NEGR1: variants seen among roughly 807,000 people sequenced by gnomAD.
The protein encoded by NEGR1 is IgLON family member 4.
NEGR1 carries 10 observed loss-of-function variants against 40.9 expected under a neutral mutation model. That is an observed-to-expected ratio of 0.24 (90% CI 0.15 to 0.42). The LOEUF (loss-of-function observed/expected upper bound fraction) is 0.42, where lower values mean the gene tolerates loss of function less well. Ranked by LOEUF, NEGR1 falls within the 10% of genes least tolerant of loss-of-function variation. The pLI, the probability that NEGR1 is intolerant of heterozygous loss-of-function variation, is 1.00. For synonymous variants in NEGR1, 185 were observed against 166.8 expected, an observed-to-expected ratio of 1.11 and a Z score of -0.84; for missense variants, 352 against 438.9, an observed-to-expected ratio of 0.80 and a Z score of 1.77.
At chr1:71,805,520 G>A (rs555376350) in intron 2 of NEGR1, among the ~76,000 whole-genome samples, 13 of 152,168 alleles carry the variant, frequency 8.5e-5, no homozygotes, top group South Asian at 4.2e-4. Flanking sequence ...GTGAAACATC[G>A]GGGCTGAATT....
At chr1:71,489,234 T>C (rs1020820622) in intron 6 of NEGR1, among the ~76,000 whole-genome samples, 1 of 151,798 alleles carries the variant, frequency 6.6e-6, no homozygotes, top group African/African-American at 2.4e-5. Context: ...AGCTCTTTCA[T>C]GAGGTTTTAA....
At chr1:71,653,763 AT>A (rs11334161) in intron 4 of NEGR1, among the ~76,000 whole-genome samples, 148,881 of 151,700 alleles carry the variant, frequency 0.98, 73,111 homozygotes, top group Middle Eastern at 1. Context: ...TTTACGTGTG[AT>A]TTTTTTTTTA....
chr1:72,017,310 A>G (rs899984839), intron 1 of NEGR1, among the ~76,000 whole-genome samples: 1 of 152,120 alleles, frequency 6.6e-6, no homozygotes, highest in Non-Finnish European at 1.5e-5. Flanking sequence ...GCTAGATTCA[A>G]TATCATATGC....
At chr1:71,442,532 T>C (rs955730146) in intron 6 of NEGR1, among the ~76,000 whole-genome samples, 2 of 152,178 alleles carry the variant, frequency 1.3e-5, no homozygotes, top group Admixed American at 6.5e-5. Flanking sequence ...GAGAATCACC[T>C]GAACCTGGAT....
chr1:71,661,130 T>C lies in NEGR1; in HGVS notation c.667+36878A>G, dbSNP rs143703368. 1.2e-3 allele frequency among the ~76,000 whole-genome samples: 188 copies of C among 152,326 alleles called. 2 individuals carry two copies. In the East Asian group the frequency reaches 0.029, roughly 24 times the overall value. On this transcript the variant is annotated intron_variant, in intron 4 of 6. Transcript: ENST00000357731. ...GAGCATTACGGTCGGTTCCAAGTCT[T>C]TGCTATTGTGAACAGTGCTGCAATA...
At chr1:71,599,732 G>C (rs1051719496) in intron 5 of NEGR1, among the ~76,000 whole-genome samples, 2 of 152,148 alleles carry the variant, frequency 1.3e-5, no homozygotes, top group African/African-American at 4.8e-5. Flanking sequence ...TAAAATGCAT[G>C]TCTTATTTAC....
At chr1:72,275,880 T>C (rs1409846955) in intron 1 of NEGR1, among the ~76,000 whole-genome samples, 2 of 152,042 alleles carry the variant, frequency 1.3e-5, no homozygotes, top group Non-Finnish European at 2.9e-5. Flanking sequence ...AAGGATGGCT[T>C]GAGGCCAGGA....
At chr1:71,763,896 G>T (rs1173262087) in intron 3 of NEGR1, among the ~76,000 whole-genome samples, 1 of 151,900 alleles carries the variant, frequency 6.6e-6, no homozygotes, top group Non-Finnish European at 1.5e-5. Flanking sequence ...TAGAAGCCAT[G>T]TAGGAATCAA....
chr1:71,565,087 T>C (rs1457863030), intron 6 of NEGR1, among the ~76,000 whole-genome samples: 1 of 152,070 alleles, frequency 6.6e-6, no homozygotes, highest in Middle Eastern at 3.2e-3. Context: ...CAAAGGCCCA[T>C]TTATTGAGAG....
chr1:72,247,596 A>T (rs1345542095), intron 1 of NEGR1, among the ~76,000 whole-genome samples: 3 of 152,152 alleles, frequency 2.0e-5, no homozygotes, highest in Non-Finnish European at 2.9e-5. Context: ...CATTTCTGAG[A>T]CCTCACCATC....
rs1001891217 is a variant in NEGR1 at position 71,821,708 on chromosome 1, T to C, written c.410-45411A>G. On this transcript the variant is annotated intron_variant, in intron 2 of 6. Coordinates refer to ENST00000357731, the MANE Select transcript of NEGR1 (RefSeq NM_173808.3). ...TAGTGAAAAAATCACAACACAGGCC[T>C]CTACGGACCTGTAGACATCATGACA... 3.9e-5 allele frequency among the ~76,000 whole-genome samples: 6 copies of C among 151,944 alleles called. No individual in the cohort carries two copies. The East Asian group carries it at 1.2e-3, about 30-fold the overall frequency.
intron 6 of NEGR1, among the ~76,000 whole-genome samples, chr1:71,466,564 A>G (rs1646747182): frequency 6.6e-6 from 1 of 152,070 alleles, no homozygotes; most frequent in Non-Finnish European, 1.5e-5. Flanking sequence ...AGTGCAGCCT[A>G]TATACATGCC....
intron 3 of NEGR1, among the ~76,000 whole-genome samples, chr1:71,760,857 A>G (rs1462014501): frequency 6.6e-6 from 1 of 152,166 alleles, no homozygotes; most frequent in Non-Finnish European, 1.5e-5. Flanking sequence ...CATTTCTAAG[A>G]AGTCTTCCTT....
At position 72,065,298 on chromosome 1, in the gene NEGR1, A is replaced by C. The variant is rs141134834; in HGVS notation, c.177-129987T>G. Among the ~76,000 whole-genome samples the C allele has an allele frequency of 4.5e-3, 682 of 152,146 alleles. 1 individual carries two copies. The highest frequency in any genetic ancestry group is 0.016 in the African/African-American group (647 of 41,522). On this transcript the variant is annotated intron_variant, in intron 1 of 6. Transcript: ENST00000357731. ...TTTTGAATCTCCCAATTTCTTCTTA[A>C]AATTTATGTATTCTTAGAAATCCTT...
At chr1:71,681,204 T>C (rs1000817807) in intron 4 of NEGR1, among the ~76,000 whole-genome samples, 1 of 152,228 alleles carries the variant, frequency 6.6e-6, no homozygotes, top group African/African-American at 2.4e-5. Flanking sequence ...TCCAATAACA[T>C]AATCAACTTT....
chr1:72,097,886 G>T (rs1203792744), intron 1 of NEGR1, among the ~76,000 whole-genome samples: 3 of 152,114 alleles, frequency 2.0e-5, no homozygotes, highest in Admixed American at 2.0e-4. Flanking sequence ...AATGATCAAA[G>T]AAATCAAGAA....
intron 6 of NEGR1, among the ~76,000 whole-genome samples, chr1:71,417,640 C>A (rs76380579): frequency 0.014 from 2,131 of 152,208 alleles, 64 homozygotes; most frequent in African/African-American, 0.049. Flanking sequence ...TCTTAACAAT[C>A]AAGCATACGA....
chr1:72,047,615 T>G (rs1647014271), intron 1 of NEGR1, among the ~76,000 whole-genome samples: 1 of 150,890 alleles, frequency 6.6e-6, no homozygotes, highest in African/African-American at 2.4e-5. Context: ...GATTTCAGAG[T>G]TTTTTTTGAA....
In NEGR1 at chr1:71,947,089, T is replaced by TACACACAC. The variant is rs3078155; in HGVS notation, c.177-11786_177-11779dup. ...GGCAACAGAGCCAGATCCTGTCTCA[T>TACACACAC]ACACACACACACACACACACACACA... On this transcript the variant is annotated intron_variant, in intron 1 of 6. Coordinates refer to ENST00000357731, the MANE Select transcript of NEGR1 (RefSeq NM_173808.3). Among the ~76,000 whole-genome samples the TACACACAC allele has an allele frequency of 6.5e-4, 84 of 129,148 alleles. 1 individual carries two copies. Among genetic ancestry groups the TACACACAC allele is most frequent in the South Asian group, 1.5e-3 (6 of 4,028 alleles). 84.7% of individuals were successfully genotyped at this position (129,148 alleles called of 152,430 possible).
Sources: gnomAD v4.1 joint callset for allele counts (sites outside exome capture counted in the v4.1 genomes callset) on GRCh38, gnomAD v4.1.1 for gene constraint, MANE v1.5 for transcripts, NCBI Gene and HGNC (gene_info 2026-07-23, HGNC 2026-07-21) for gene names.